Variants in MYO15A observed in about 807,000 individuals in gnomAD.
MYO15A encodes the protein myosin XVA.
MYO15A carries 308 observed loss-of-function variants against 394.6 expected under a neutral mutation model. The ratio of observed to expected loss-of-function variants is 0.78; its 90% CI spans 0.71 to 0.86. The LOEUF (loss-of-function observed/expected upper bound fraction) is 0.86. MYO15A is among the 40% of genes least tolerant of loss of function. The probability of loss-of-function intolerance (pLI) is 0.00; values close to 1 mark genes in which losing one functional copy is unlikely to be tolerated. For synonymous variants in MYO15A, 1,957 were observed against 2,003.8 expected (o/e 0.98, Z 0.62); for missense variants, 4,606 against 4,799.1 (o/e 0.96, Z 1.19).
chr17:18,148,937 G>A lies in MYO15A; in HGVS notation c.6941G>A (p.Arg2314Lys). ...GGCACAGAGGGGCCTGCAGCCAGCA[G>A]GGGAGGCCCCAAAGTGTAGGTAGCT... ...IVGTEGPAAS[R>K]GGPKVVFGNS... The change falls in exon 33 of 66, where the codon AGG becomes AAG. Residue 2314 changes from arginine (R) to lysine (K), a missense_variant. Arg to Lys is a conservative substitution (Grantham distance 26). Coordinates refer to ENST00000647165, the MANE Select transcript of MYO15A (RefSeq NM_016239.4). This position sits in a 1 kb window ranked among gnomAD's most constrained non-coding sequence, Gnocchi z 4.8. The A allele has an allele frequency of 1.9e-6, 3 of 1,599,722 alleles. No homozygotes were observed. The highest frequency in any genetic ancestry group is 1.7e-6 in the Non-Finnish European group (2 of 1,173,322).
rs559469285 is a variant in MYO15A at position 18,162,384 on chromosome 17, A to G, written c.9518-201A>G. Among the ~76,000 whole-genome samples, 4 of 152,322 alleles carry G rather than the reference A, an allele frequency of 2.6e-5. No individual in the cohort carries two copies. In the South Asian group the frequency reaches 8.3e-4, roughly 32 times the overall value. On this transcript the variant is annotated intron_variant, in intron 57 of 65. Transcript: ENST00000647165. ...CCACATGGGATGTGGGTTCAAATCC[A>G]GCTCTTAACCTCTAGCTCTTGACCT...
At chr17:18,145,818 G>T (rs1425568918) in intron 29 of MYO15A, 54 bp from the exon 30 acceptor site, 2 of 1,547,988 alleles carry the variant, frequency 1.3e-6, no homozygotes, top group East Asian at 2.3e-5. Flanking sequence ...TGTGGGGTGG[G>T]GACTGGAAGG....
chr17:18,175,177 C>G (rs749803544), intron 65 of MYO15A, among the ~76,000 whole-genome samples: 8 of 151,424 alleles, frequency 5.3e-5, no homozygotes, highest in Admixed American at 2.6e-4. Context: ...CCTCAGTTTC[C>G]CAAAGTGCTG....
In MYO15A at chr17:18,148,431, C is replaced by T. The variant is rs543117007; in HGVS notation, c.6692-65C>T. The T allele has an allele frequency of 6.5e-7, 1 of 1,534,222 alleles. No individual in the cohort carries two copies. The highest frequency in any genetic ancestry group is 8.8e-7 in the Non-Finnish European group (1 of 1,132,634). ...AGGAAGCCTGAAAGGAAGAAGCAAG[C>T]AGGGAGGCACAGCCAAACTGGACTC... On this transcript the variant is annotated intron_variant, in intron 31 of 65. Coordinates refer to ENST00000647165, the MANE Select transcript of MYO15A (RefSeq NM_016239.4). The surrounding 1 kb of genome is among the most constrained non-coding windows in gnomAD (Gnocchi z 4.8).
Position 18,141,005 on chromosome 17 carries a change from G to C in MYO15A, c.5407-14G>C, listed in dbSNP as rs763319918. 6.2e-7 allele frequency: 1 copy of C among 1,613,582 alleles called. No homozygotes were observed. Among genetic ancestry groups the C allele is most frequent in the African/African-American group, 1.3e-5 (1 of 74,910 alleles). On this transcript the variant is annotated splice_polypyrimidine_tract_variant and intron_variant, in intron 21 of 65. Transcript: ENST00000647165. ...GAGCCAATGTGCAGACTCCCTCTCT[G>C]GGCATCCCTACAGGAGCCAGGTCTC...
intron 29 of MYO15A, among the ~76,000 whole-genome samples, chr17:18,145,327 C>T (rs2046456541): frequency 6.6e-6 from 1 of 152,056 alleles, no homozygotes; most frequent in African/African-American, 2.4e-5. Flanking sequence ...ATGGGGAGCT[C>T]TAGAAGGTTC....
chr17:18,153,718 A>C lies in MYO15A; in HGVS notation c.7967-57A>C. 6.6e-7 allele frequency: 1 copy of C among 1,520,288 alleles called. No homozygotes were observed. The highest frequency in any genetic ancestry group is 8.8e-7 in the Non-Finnish European group (1 of 1,131,174). The allele number at this position is 1,520,288 out of a possible 1,614,324, so 94.2% of individuals were successfully genotyped here. ...CGTCTCAAAAATATATATATATATT[A>C]ATTAAATAAAAAAACGAGGTGCCTT... On this transcript the variant is annotated intron_variant, in intron 42 of 65. Transcript: ENST00000647165. This position sits in a 1 kb window ranked among gnomAD's most constrained non-coding sequence, Gnocchi z 4.1.
Position 18,126,847 on chromosome 17 carries a change from A to G in MYO15A, c.3923A>G (p.Asn1308Ser). The G allele has an allele frequency of 6.2e-7, 1 of 1,613,838 alleles. No individual in the cohort carries two copies. Among genetic ancestry groups the G allele is most frequent in the Non-Finnish European group, 8.5e-7 (1 of 1,179,952 alleles). The change falls in exon 6 of 66, where the codon AAC becomes AGC. Residue 1308 changes from asparagine (N) to serine (S), a missense_variant. Physicochemically the swap from Asn to Ser is conservative, Grantham distance 46 (BLOSUM62 1). Around this residue, in one of 2 missense-constraint regions of MYO15A, gnomAD observed 2,776 missense variants for 3,109.3 expected, o/e 0.89. Transcript: ENST00000647165. Reference protein sequence around the residue: ...AFAKMLDAKQNQCIIISGESG... With the variant: ...AFAKMLDAKQSQCIIISGESG... ...GCCAAAATGCTCGATGCCAAACAGAACCAGTGCATAATCATTAGGTGAGTG... is the reference window on the plus strand; with the variant it reads ...GCCAAAATGCTCGATGCCAAACAGAGCCAGTGCATAATCATTAGGTGAGTG...
At chr17:18,143,478 C>A in intron 25 of MYO15A, 88 bp from the exon 26 acceptor site, 1 of 1,463,864 alleles carries the variant, frequency 6.8e-7, no homozygotes, top group Non-Finnish European at 9.3e-7. Flanking sequence ...TTGAGTGTGG[C>A]CGCCTTGCGT....
Position 18,159,646 on chromosome 17 carries a change from G to A in MYO15A, c.9270G>A (p.Gln3090=). 6.2e-7 allele frequency: 1 copy of A among 1,614,160 alleles called. No homozygotes were observed. Among genetic ancestry groups the A allele is most frequent in the Non-Finnish European group, 8.5e-7 (1 of 1,180,016 alleles). The part of the protein sequence containing the change: ...RFMGDAPLKG[Q]SDLDVLCNLL... ...TGGGGGATGCCCCACTGAAGGGCCA[G>A]AGTGACCTGGACGTGCTTTGTAACC... Residue 3090 remains glutamine, a synonymous_variant, in exon 55 of 66, where the codon CAG becomes CAA. Transcript: ENST00000647165.
intron 54 of MYO15A, 41 bp downstream of exon 54, chr17:18,159,388 G>A (rs756312081): frequency 4.4e-6 from 7 of 1,607,112 alleles, no homozygotes; most frequent in Non-Finnish European, 6.0e-6. Flanking sequence ...GGGCTAGGTG[G>A]GATCCAGCAC....
chr17:18,136,894 G>A (rs1334261335), intron 15 of MYO15A, among the ~76,000 whole-genome samples: 1 of 152,256 alleles, frequency 6.6e-6, no homozygotes, highest in Non-Finnish European at 1.5e-5. Context: ...GCCAGGCCCT[G>A]TGCTGGGCAA....
At chr17:18,114,702 C>T (rs2045763672) in intron 1 of MYO15A, among the ~76,000 whole-genome samples, 1 of 152,208 alleles carries the variant, frequency 6.6e-6, no homozygotes, top group Non-Finnish European at 1.5e-5. Flanking sequence ...ACATGCTCAT[C>T]TGTCATAGCG....
intron 15 of MYO15A, 98 bp downstream of exon 15, chr17:18,136,784 C>T (rs954397276): frequency 4.1e-6 from 6 of 1,477,356 alleles, no homozygotes; most frequent in Non-Finnish European, 5.5e-6. Flanking sequence ...TCTGTGCCTG[C>T]AGCAGGTGCC....
In MYO15A at chr17:18,141,708, G is replaced by A. The variant is rs755335376; in HGVS notation, c.5587G>A (p.Val1863Met). ...HDLPANGDMC[V>M]SVLSRLCKVM... ...CCTGCCGGCTAATGGGGACATGTGT[G>A]TGTCAGTGCTGAGTCGCCTGTGCAA... Residue 1863 changes from valine to methionine, a missense_variant, in exon 23 of 66, where the codon GTG becomes ATG. By Grantham distance (21) the Val-to-Met change is conservative (BLOSUM62 1). Around this residue, in one of 2 missense-constraint regions of MYO15A, gnomAD observed 2,776 missense variants for 3,109.3 expected, o/e 0.89. Coordinates refer to ENST00000647165, the MANE Select transcript of MYO15A (RefSeq NM_016239.4). The A allele has an allele frequency of 6.2e-7, 1 of 1,614,126 alleles. No homozygotes were observed. Among genetic ancestry groups the A allele is most frequent in the Non-Finnish European group, 8.5e-7 (1 of 1,180,028 alleles).
chr17:18,122,560 G>A, intron 2 of MYO15A, 151 bp downstream of exon 2: 1 of 1,207,666 alleles, frequency 8.3e-7, no homozygotes, highest in Non-Finnish European at 1.1e-6. Context: ...AGAACAGCCT[G>A]GACCTCCCAG....
In MYO15A at chr17:18,121,840, G is replaced by C. The variant is rs748173594; in HGVS notation, c.3040G>C (p.Glu1014Gln). 3.7e-6 allele frequency: 6 copies of C among 1,612,736 alleles called. No individual in the cohort carries two copies. The African/African-American group carries it at 8.0e-5, about 22-fold the overall frequency. The change falls in exon 2 of 66, where the codon GAA (glutamate) becomes CAA (glutamine). Residue 1014 changes from glutamate to glutamine, a missense_variant. Transcript: ENST00000647165. The surrounding 1 kb of genome is among the most constrained non-coding windows in gnomAD (Gnocchi z 5.3). Reference sequence around the variant, plus strand: ...TGGCCCAACCCCTGAGAAGCCTGAAGAAGAGGCCACCCTGGGGGACCCCCA... The same window carrying C: ...TGGCCCAACCCCTGAGAAGCCTGAACAAGAGGCCACCCTGGGGGACCCCCA... ...SAGPTPEKPE[E>Q]EATLGDPQLP...
chr17:18,116,071 A>G (rs1438315786), intron 1 of MYO15A, among the ~76,000 whole-genome samples: 1 of 152,196 alleles, frequency 6.6e-6, no homozygotes. Flanking sequence ...CATGCAGCAC[A>G]CTTCCCACAG....
Position 18,151,419 on chromosome 17 carries a change from G to A in MYO15A, c.7679G>A (p.Arg2560Gln), listed in dbSNP as rs754727598. 137 of 1,614,048 alleles carry A rather than the reference G, an allele frequency of 8.5e-5. 1 individual carries two copies. Among genetic ancestry groups the A allele is most frequent in the Non-Finnish European group, 1.1e-4 (126 of 1,180,050 alleles). Residue 2560 changes from arginine (R) to glutamine (Q), a missense_variant, in exon 40 of 66, where the codon CGG becomes CAG. Arg to Gln is a conservative substitution (Grantham distance 43). Coordinates refer to ENST00000647165, the MANE Select transcript of MYO15A (RefSeq NM_016239.4). Reference sequence around the variant, plus strand: ...GCTTCACCCTCCCCAGAGCTGGTCCGGTACTCTACGCTCAACTCTGAGCAC... The same window carrying A: ...GCTTCACCCTCCCCAGAGCTGGTCCAGTACTCTACGCTCAACTCTGAGCAC... ...ETTSPSPELVRYSTLNSEHFP... is the reference protein window; with the variant it reads ...ETTSPSPELVQYSTLNSEHFP...
Sources: allele counts gnomAD v4.1 joint callset (sites outside exome capture counted in the v4.1 genomes callset), GRCh38; gene constraint gnomAD v4.1.1; regional missense constraint gnomAD v4.1.1; non-coding constraint Gnocchi (gnomAD v3.1); transcripts MANE v1.5; gene names NCBI Gene and HGNC (gene_info 2026-07-23, HGNC 2026-07-21).